The following CPS1 variants were observed in gnomAD, a reference collection of about 807,000 sequenced individuals.
CPS1 encodes carbamoyl-phosphate synthase [ammonia], mitochondrial.
CPS1 carries 109 observed loss-of-function variants against 174.6 expected under a neutral mutation model. That is an observed-to-expected ratio of 0.62 (90% CI 0.53 to 0.73). The LOEUF (loss-of-function observed/expected upper bound fraction) is 0.73. Among genes scored for constraint, CPS1 ranks in the 30% least tolerant of loss-of-function variants. The pLI is 0.00. For synonymous variants in CPS1, 637 were observed against 632.0 expected, an observed-to-expected ratio of 1.01 and a Z score of -0.12; for missense variants, 1,689 against 1,821.9, an observed-to-expected ratio of 0.93 and a Z score of 1.33.
chr2:210,519,992 A>G (rs1695779441), intron 1 of CPS1, among the ~76,000 whole-genome samples: 1 of 151,990 alleles, frequency 6.6e-6, no homozygotes. Flanking sequence ...TATATTCCTC[A>G]GATAAGTTCT....
Position 210,639,135 on chromosome 2 carries a change from TG to T in CPS1, c.2830-14del. 1.2e-6 allele frequency: 2 copies of T among 1,601,374 alleles called. No individual in the cohort carries two copies. The highest frequency in any genetic ancestry group is 1.7e-6 in the Non-Finnish European group (2 of 1,169,416). On this transcript the variant is annotated splice_polypyrimidine_tract_variant and intron_variant, in intron 22 of 37. Transcript: ENST00000233072. ...AACATTCTTATTTGTTTATTTTATTTGTTTTCTCTTACAGATTGATACACTG... is the reference window on the plus strand; with the variant it reads ...AACATTCTTATTTGTTTATTTTATTTTTTTCTCTTACAGATTGATACACTG...
chr2:210,511,962 C>A (rs1342980620), intron 1 of CPS1, among the ~76,000 whole-genome samples: 1 of 151,986 alleles, frequency 6.6e-6, no homozygotes, highest in African/African-American at 2.4e-5. Context: ...CATTGAACCC[C>A]AAATTGAGCC....
At chr2:210,597,841 CACAA>C (rs552531956) in intron 13 of CPS1, among the ~76,000 whole-genome samples, 122 of 148,600 alleles carry the variant, frequency 8.2e-4, no homozygotes, top group African/African-American at 3.1e-3. Context: ...TACACACACA[CACAA>C]ACATACACAC....
chr2:210,483,215 CTCAT>C (rs1694624255), intron 1 of CPS1, among the ~76,000 whole-genome samples: 1 of 97,150 alleles, frequency 1.0e-5, no homozygotes, highest in African/African-American at 2.9e-5. Flanking sequence ...TGTGTAAAGA[CTCAT>C]AAACCTTCCA....
chr2:210,608,390 T>A lies in CPS1; in HGVS notation c.2222T>A (p.Ile741Asn). 1 of 1,612,262 alleles carries A rather than the reference T, an allele frequency of 6.2e-7. No individual in the cohort carries two copies. The highest frequency in any genetic ancestry group is 8.5e-7 in the Non-Finnish European group (1 of 1,178,830). ...CCATTGGCATTCATTGCTGCAAAGA[T>A]TGCCCTAGGAATCCCACTTCCAGAA... ...GYPLAFIAAK[I>N]ALGIPLPEIK... is the part of the protein sequence containing the mutation. Residue 741 changes from isoleucine (I) to asparagine (N), a missense_variant, in exon 19 of 38, where the codon ATT becomes AAT. Physicochemically the swap from Ile to Asn is moderately radical, Grantham distance 149. Coordinates refer to ENST00000233072, the MANE Select transcript of CPS1 (RefSeq NM_001875.5).
At chr2:210,514,917 G>A (rs530824203) in intron 1 of CPS1, among the ~76,000 whole-genome samples, 36 of 151,052 alleles carry the variant, frequency 2.4e-4, no homozygotes, top group African/African-American at 8.5e-4. Context: ...AGCGATGTTG[G>A]ATTTTATCTA....
intron 1 of CPS1, among the ~76,000 whole-genome samples, chr2:210,562,831 ACTACTAG>A (rs1274242367): frequency 1.3e-5 from 2 of 151,536 alleles, no homozygotes; most frequent in African/African-American, 2.4e-5. Flanking sequence ...TTTCATTTTT[ACTACTAG>A]CTCAAGGGAA....
At chr2:210,489,828 C>T (rs6725979) in intron 1 of CPS1, among the ~76,000 whole-genome samples, 31,053 of 151,770 alleles carry the variant, frequency 0.2, 3,706 homozygotes, top group Middle Eastern at 0.34. Flanking sequence ...GAAACCCCGT[C>T]TCTACTGAAA....
intron 1 of CPS1, among the ~76,000 whole-genome samples, chr2:210,514,919 T>G (rs1695637665): frequency 6.6e-6 from 1 of 151,630 alleles, no homozygotes; most frequent in East Asian, 1.9e-4. Flanking sequence ...CGATGTTGGA[T>G]TTTATCTAAA....
Position 210,505,230 on chromosome 2 carries a change from A to G in CPS1, c.3+27464A>G, listed in dbSNP as rs532062007. Among the ~76,000 whole-genome samples, 28 of 151,904 alleles carry G rather than the reference A, an allele frequency of 1.8e-4. No homozygotes were observed. The South Asian group carries it at 4.8e-3, about 26-fold the overall frequency. ...TAATTAGGGCTCTGAAATATTTTCA[A>G]TCAACATATAGGTTGGTGCAAAAGT... On this transcript the variant is annotated intron_variant, in intron 1 of 38. Coordinates refer to the CPS1 transcript ENST00000430249.
chr2:210,630,693 T>C (rs1699839121), intron 21 of CPS1, among the ~76,000 whole-genome samples: 1 of 152,224 alleles, frequency 6.6e-6, no homozygotes, highest in Non-Finnish European at 1.5e-5. Flanking sequence ...GCCTACCCAA[T>C]TGCCTGGGTT....
chr2:210,532,229 G>A (rs899344531), intron 1 of CPS1, among the ~76,000 whole-genome samples: 4 of 152,090 alleles, frequency 2.6e-5, no homozygotes, highest in Non-Finnish European at 2.9e-5. Context: ...AGTTCAAAAC[G>A]TTAAAGTGAA....
chr2:210,593,742 G>A, intron 11 of CPS1: 1 of 782,670 alleles, frequency 1.3e-6, no homozygotes, highest in South Asian at 5.8e-5. Flanking sequence ...TGTCTGAATT[G>A]CCGTTTTAGA....
chr2:210,637,617 C>G, intron 21 of CPS1, 85 bp from the exon 22 acceptor site: 30 of 1,376,492 alleles, frequency 2.2e-5, no homozygotes, highest in Non-Finnish European at 3.1e-5. Context: ...AATAAGAAGC[C>G]CTTGGTGTTC....
chr2:210,555,116 G>A (rs1157581373), upstream of CPS1, among the ~76,000 whole-genome samples: 2 of 152,026 alleles, frequency 1.3e-5, no homozygotes, highest in Non-Finnish European at 2.9e-5. Flanking sequence ...AGTCTCCCAT[G>A]ATATGGTACC....
At chr2:210,616,607 T>G in intron 21 of CPS1, 66 bp downstream of exon 21, 8 of 955,942 alleles carry the variant, frequency 8.4e-6, no homozygotes, top group Non-Finnish European at 1.4e-5. Context: ...GTCTTCTTCC[T>G]ACTCTTAAGC....
intron 1 of CPS1, among the ~76,000 whole-genome samples, chr2:210,509,116 A>C (rs1352616088): frequency 2.0e-5 from 3 of 152,236 alleles, no homozygotes; most frequent in Non-Finnish European, 2.9e-5. Context: ...ATGAACATCA[A>C]TGCAAAAATC....
chr2:210,528,984 T>C lies in CPS1; in HGVS notation c.4-27735T>C, dbSNP rs367999276. ...TGAGTAAGTTTGGAATGTGGAGTGC[T>C]TTTTAGGGGGAGGAGATTATTATAT... On this transcript the variant is annotated intron_variant, in intron 1 of 38. Coordinates refer to the CPS1 transcript ENST00000430249. Among the ~76,000 whole-genome samples, 11 of 151,874 alleles carry C rather than the reference T, an allele frequency of 7.2e-5. No homozygotes were observed. In the South Asian group the frequency reaches 1.0e-3, roughly 14 times the overall value.
rs1406163508 is a variant in CPS1, at chr2:210,602,339, T to C, written c.1836+9T>C. ...TGGACCTCAGCACAAAGGTATGTAT[T>C]TTTGTAGACAATATTCTTACCAACC... is the stretch of plus-strand genomic sequence containing the variant. On this transcript the variant is annotated intron_variant, in intron 16 of 37. Coordinates refer to ENST00000233072, the MANE Select transcript of CPS1 (RefSeq NM_001875.5). The C allele has an allele frequency of 6.2e-7, 1 of 1,612,236 alleles. No individual in the cohort carries two copies. Among genetic ancestry groups the C allele is most frequent in the Non-Finnish European group, 8.5e-7 (1 of 1,178,882 alleles).
Sources: allele counts gnomAD v4.1 joint callset (sites outside exome capture counted in the v4.1 genomes callset), GRCh38; gene constraint gnomAD v4.1.1; transcripts MANE v1.5; gene names NCBI Gene and HGNC (gene_info 2026-07-23, HGNC 2026-07-21).